PDZD2: variants seen among roughly 807,000 people sequenced by gnomAD.
The protein encoded by PDZD2 is PDZ domain containing 2.
In PDZD2, 90 loss-of-function variants were observed where a neutral mutation model predicts 220.7. The observed-to-expected ratio is 0.41, with a 90% CI of 0.34 to 0.49. The LOEUF (loss-of-function observed/expected upper bound fraction) is 0.49. Ranked by LOEUF, PDZD2 falls within the 20% of genes least tolerant of loss-of-function variation. The pLI, the probability that PDZD2 is intolerant of heterozygous loss-of-function variation, is 0.28. For missense variants in PDZD2, 3,174 were observed against 3,608.5 expected (o/e 0.88, Z 3.08); for synonymous variants, 1,375 against 1,450.5 (o/e 0.95, Z 1.18).
Position 31,799,560 on chromosome 5 carries a change from G to A in PDZD2, c.312G>A (p.Lys104=). The A allele has an allele frequency of 6.2e-7, 1 of 1,614,168 alleles. No homozygotes were observed. The highest frequency in any genetic ancestry group is 8.5e-7 in the Non-Finnish European group (1 of 1,180,000). ...GDYGEKRRGG[K]KRKTHQGPVL... ...ATGGTGAAAAGCGCAGGGGGGGCAA[G>A]AAGAGGAAAACCCACCAGGGTCCTG... Residue 104 remains lysine, a synonymous_variant, in exon 2 of 25, where the codon AAG becomes AAA. Transcript: ENST00000438447.
intron 1 of PDZD2, among the ~76,000 whole-genome samples, chr5:31,737,381 C>T (rs2150162211): frequency 6.6e-6 from 1 of 152,062 alleles, no homozygotes; most frequent in Middle Eastern, 3.4e-3. Flanking sequence ...ACCGTGTTAG[C>T]CAGGATGGTC....
intron 19 of PDZD2, among the ~76,000 whole-genome samples, chr5:32,078,781 G>T (rs1032646450): frequency 6.6e-6 from 1 of 150,890 alleles, no homozygotes; most frequent in African/African-American, 2.5e-5. Flanking sequence ...CTCCAGCCTG[G>T]GTGACAGAAC....
chr5:31,750,592 C>T (rs1750896491), intron 1 of PDZD2, among the ~76,000 whole-genome samples: 1 of 152,118 alleles, frequency 6.6e-6, no homozygotes, highest in African/African-American at 2.4e-5. Flanking sequence ...TGAGGGGCGC[C>T]GCTCCAGGGA....
intron 1 of PDZD2, among the ~76,000 whole-genome samples, chr5:31,679,506 T>A (rs369203651): frequency 3.9e-5 from 6 of 152,268 alleles, no homozygotes; most frequent in East Asian, 1.9e-4. Flanking sequence ...TTTTTATTTT[T>A]GTTTTATTTT....
chr5:32,037,324 C>G lies in PDZD2; in HGVS notation c.1501C>G (p.Leu501Val), dbSNP rs775513408. 1.3e-5 allele frequency: 21 copies of G among 1,609,174 alleles called. No homozygotes were observed. The Admixed American group carries it at 2.5e-4, about 19-fold the overall frequency. ...CAAACAGGGCAGCAATAAAATCAAGCTCAAGAGTCGCCTTTCAGGTAGGTG... is the reference window on the plus strand; with the variant it reads ...CAAACAGGGCAGCAATAAAATCAAGGTCAAGAGTCGCCTTTCAGGTAGGTG... ...SPKQGSNKIK[L>V]KSRLSGGVHR... Residue 501 changes from leucine (L) to valine (V), a missense_variant, in exon 7 of 25, where the codon CTC becomes GTC. Leu to Val is a conservative substitution (Grantham distance 32, BLOSUM62 1). Coordinates refer to ENST00000438447, the MANE Select transcript of PDZD2 (RefSeq NM_178140.4).
intron 6 of PDZD2, among the ~76,000 whole-genome samples, chr5:32,017,095 C>A (rs528434795): frequency 6.6e-6 from 1 of 152,150 alleles, no homozygotes; most frequent in East Asian, 1.9e-4. Flanking sequence ...TACCTCTCGT[C>A]GTAAGCTTTG....
Position 32,089,298 on chromosome 5 carries a change from C to T in PDZD2, c.5850C>T (p.Ala1950=), listed in dbSNP as rs1245185070. The change falls in exon 20 of 25, where the codon GCC becomes GCT. Residue 1950 remains alanine (A), a synonymous_variant. Coordinates refer to ENST00000438447, the MANE Select transcript of PDZD2 (RefSeq NM_178140.4). ...ACCCTGACAGAAACACCACAGCTGC[C>T]CCCAGGTCCCCCCAGTGTGTGCTGG... ...HEDPDRNTTA[A]PRSPQCVLES... is the part of the protein sequence containing the mutation. 1 of 1,614,146 alleles carries T rather than the reference C, an allele frequency of 6.2e-7. No individual in the cohort carries two copies. The highest frequency in any genetic ancestry group is 8.5e-7 in the Non-Finnish European group (1 of 1,180,018).
At chr5:31,938,441 A>G (rs916288205) in intron 2 of PDZD2, among the ~76,000 whole-genome samples, 2 of 152,196 alleles carry the variant, frequency 1.3e-5, no homozygotes, top group East Asian at 1.9e-4. Flanking sequence ...TAGATGAACT[A>G]TGTGCCTGTG....
At chr5:32,020,407 G>A (rs1317227223) in intron 6 of PDZD2, among the ~76,000 whole-genome samples, 1 of 152,150 alleles carries the variant, frequency 6.6e-6, no homozygotes, top group African/African-American at 2.4e-5. Context: ...ATAACCACAC[G>A]AAGTGGGAAC....
chr5:31,875,618 AAT>A (rs1412621333), intron 2 of PDZD2, among the ~76,000 whole-genome samples: 1 of 147,862 alleles, frequency 6.8e-6, no homozygotes, highest in African/African-American at 2.5e-5. Flanking sequence ...ATATTTTAAA[AAT>A]ATATGTTTAA....
At chr5:31,784,063 T>C (rs899128110) in intron 1 of PDZD2, among the ~76,000 whole-genome samples, 1 of 152,112 alleles carries the variant, frequency 6.6e-6, no homozygotes, top group African/African-American at 2.4e-5. Flanking sequence ...ATTCAGAGCA[T>C]AAGGCTCCTC....
intron 2 of PDZD2, among the ~76,000 whole-genome samples, chr5:31,882,572 T>C (rs991720627): frequency 3.3e-5 from 5 of 152,218 alleles, no homozygotes; most frequent in Admixed American, 6.5e-5. Flanking sequence ...CATTCACGAA[T>C]GGACCAGCTA....
chr5:31,948,821 G>A (rs1746898325), intron 2 of PDZD2, among the ~76,000 whole-genome samples: 1 of 152,040 alleles, frequency 6.6e-6, no homozygotes, highest in Non-Finnish European at 1.5e-5. Flanking sequence ...GTTTTAGGCT[G>A]GGTGTGGTGG....
chr5:31,881,707 T>C (rs145712686), intron 2 of PDZD2, among the ~76,000 whole-genome samples: 1 of 149,934 alleles, frequency 6.7e-6, no homozygotes, highest in East Asian at 2.0e-4. Flanking sequence ...TACACACACA[T>C]ATATATATAC....
intron 1 of PDZD2, among the ~76,000 whole-genome samples, chr5:31,662,796 AT>A (rs959428846): frequency 6.6e-5 from 10 of 152,072 alleles, no homozygotes; most frequent in Admixed American, 3.3e-4. Flanking sequence ...CGCCCAGCTA[AT>A]TTTTTTGCAT....
chr5:31,883,078 A>G (rs1446892430), intron 2 of PDZD2, among the ~76,000 whole-genome samples: 1 of 150,904 alleles, frequency 6.6e-6, no homozygotes, highest in Non-Finnish European at 1.5e-5. Flanking sequence ...AGAAGGACAG[A>G]TAAGAATTCC....
At chr5:31,867,262 G>T (rs891809124) in intron 2 of PDZD2, among the ~76,000 whole-genome samples, 9 of 152,320 alleles carry the variant, frequency 5.9e-5, no homozygotes, top group Non-Finnish European at 1.2e-4. Context: ...TTCCAACCTA[G>T]ACTTCAGCGC....
At chr5:31,971,416 A>G (rs542591431) in intron 2 of PDZD2, among the ~76,000 whole-genome samples, 2 of 152,332 alleles carry the variant, frequency 1.3e-5, no homozygotes, top group South Asian at 2.1e-4. Flanking sequence ...GCCCCATGAT[A>G]TAATTACATC....
chr5:32,040,516 C>G (rs191088016), intron 7 of PDZD2, among the ~76,000 whole-genome samples: 4 of 149,116 alleles, frequency 2.7e-5, no homozygotes, highest in East Asian at 2.1e-4. Context: ...GCCCGGCTGC[C>G]CCGTCTGGGA....
Sources: allele counts gnomAD v4.1 joint callset (sites outside exome capture counted in the v4.1 genomes callset), GRCh38; gene constraint gnomAD v4.1.1; transcripts MANE v1.5; gene names NCBI Gene and HGNC (gene_info 2026-07-23, HGNC 2026-07-21).